GPC5: variants seen among roughly 807,000 people sequenced by gnomAD.
GPC5 encodes glypican 5.
Under a neutral mutation model 53.9 loss-of-function variants are expected in GPC5, and 47 were observed. The observed-to-expected ratio is 0.87, with a 90% CI of 0.69 to 1.11. The LOEUF (loss-of-function observed/expected upper bound fraction) is 1.11. GPC5 is among the 50% of genes most tolerant of loss of function. The pLI is 0.00. For synonymous variants in GPC5, 286 were observed against 263.3 expected (o/e 1.09, Z -0.84); for missense variants, 748 against 713.1 (o/e 1.05, Z -0.56).
rs372069438 is a variant in GPC5 at position 91,646,832 on chromosome 13, G to A, written c.326-46355G>A. Among the ~76,000 whole-genome samples the A allele has an allele frequency of 1.1e-3, 164 of 152,270 alleles. 4 individuals are homozygous for A. In the South Asian group the frequency reaches 0.033, roughly 30 times the overall value. On this transcript the variant is annotated intron_variant, in intron 2 of 7. Transcript: ENST00000377067. ...AAAGAGGTATAGAATTCATGAGAAT[G>A]TGTGCATGTGTCTGTCACAGAGCAT...
At chr13:92,003,276 G>A (rs1256781051) in intron 6 of GPC5, among the ~76,000 whole-genome samples, 1 of 148,456 alleles carries the variant, frequency 6.7e-6, no homozygotes, top group African/African-American at 2.5e-5. Flanking sequence ...AGCCAAGATG[G>A]CACCACTGCA....
intron 7 of GPC5, among the ~76,000 whole-genome samples, chr13:92,247,245 T>A (rs1343751544): frequency 1.3e-5 from 2 of 152,162 alleles, no homozygotes; most frequent in Admixed American, 6.6e-5. Context: ...TGTATATATG[T>A]ATGTGTATAA....
intron 7 of GPC5, among the ~76,000 whole-genome samples, chr13:92,461,105 A>G (rs1285584362): frequency 1.3e-5 from 2 of 152,184 alleles, no homozygotes; most frequent in Non-Finnish European, 2.9e-5. Context: ...AGGAGAATAA[A>G]AAATAAATCC....
At chr13:92,259,159 G>C (rs1012409298) in intron 7 of GPC5, among the ~76,000 whole-genome samples, 2 of 152,200 alleles carry the variant, frequency 1.3e-5, no homozygotes, top group East Asian at 3.9e-4. Context: ...TTGTTTCCAT[G>C]CTCCCTTTTC....
chr13:92,215,737 A>G (rs1209150780), intron 7 of GPC5, among the ~76,000 whole-genome samples: 5 of 152,238 alleles, frequency 3.3e-5, no homozygotes, highest in Non-Finnish European at 7.3e-5. Flanking sequence ...TGTGCTCTCT[A>G]GAAATCCATT....
chr13:91,728,655 A>C lies in GPC5; in HGVS notation c.1144A>C (p.Asn382His). 1.9e-6 allele frequency: 3 copies of C among 1,610,282 alleles called. No individual in the cohort carries two copies. The highest frequency in any genetic ancestry group is 2.5e-6 in the Non-Finnish European group (3 of 1,178,146). The change falls in exon 4 of 8, where the codon AAC becomes CAC. Residue 382 changes from asparagine to histidine, a missense_variant. By Grantham distance (68) the Asn-to-His change is moderately conservative. Coordinates refer to ENST00000377067, the MANE Select transcript of GPC5 (RefSeq NM_004466.6). ...TTRNSEETLA[N>H]RRKEFINSLR... ...AAGGAACAGTGAAGAGACGCTTGCC[A>C]ACAGAAGAAAGTAAGACATTTGTTT...
intron 7 of GPC5, among the ~76,000 whole-genome samples, chr13:92,398,147 T>TA (rs796244896): frequency 6.6e-6 from 1 of 152,104 alleles, no homozygotes; most frequent in South Asian, 2.1e-4. Flanking sequence ...TAATTTATTT[T>TA]AAAAAATTAT....
chr13:91,589,442 G>T (rs1402353395), intron 2 of GPC5, among the ~76,000 whole-genome samples: 2 of 152,020 alleles, frequency 1.3e-5, no homozygotes, highest in East Asian at 3.9e-4. Flanking sequence ...ATCTCAAAGT[G>T]AGCCTGTCCA....
chr13:91,972,194 T>C (rs1174662092), intron 6 of GPC5, among the ~76,000 whole-genome samples: 1 of 152,234 alleles, frequency 6.6e-6, no homozygotes, highest in Non-Finnish European at 1.5e-5. Context: ...CTCTTCTTGT[T>C]GAACTGATCC....
intron 6 of GPC5, among the ~76,000 whole-genome samples, chr13:92,003,553 TATAGG>T (rs1168447033): frequency 6.6e-6 from 1 of 152,130 alleles, no homozygotes; most frequent in Non-Finnish European, 1.5e-5. Context: ...TTTAACAGAT[TATAGG>T]ATGTCAGTAT....
intron 7 of GPC5, among the ~76,000 whole-genome samples, chr13:92,229,373 T>C (rs1398714706): frequency 6.6e-6 from 1 of 152,164 alleles, no homozygotes; most frequent in Non-Finnish European, 1.5e-5. Context: ...GATATATTTT[T>C]AACTGGGTTA....
chr13:92,405,546 T>C (rs1023013), intron 7 of GPC5, among the ~76,000 whole-genome samples: 99,923 of 152,120 alleles, frequency 0.66, 33,625 homozygotes, highest in African/African-American at 0.8. Context: ...TTCCTTAACA[T>C]GAACATTGAG....
intron 6 of GPC5, among the ~76,000 whole-genome samples, chr13:92,095,341 A>C: frequency 6.6e-6 from 1 of 151,800 alleles, no homozygotes; most frequent in East Asian, 1.9e-4. Context: ...AGTTTTCCTA[A>C]ATATTTAATT....
intron 1 of GPC5, among the ~76,000 whole-genome samples, chr13:91,441,951 C>G (rs1880467543): frequency 6.6e-6 from 1 of 152,110 alleles, no homozygotes; most frequent in African/African-American, 2.4e-5. Flanking sequence ...ACCAAAGACT[C>G]TTCTCTATGT....
intron 7 of GPC5, among the ~76,000 whole-genome samples, chr13:92,715,195 A>C (rs1888287997): frequency 6.6e-6 from 1 of 152,200 alleles, no homozygotes; most frequent in Non-Finnish European, 1.5e-5. Context: ...AGTTGAATAG[A>C]GTGATCAGCA....
chr13:92,574,098 A>T (rs2139044464), intron 7 of GPC5, among the ~76,000 whole-genome samples: 1 of 152,286 alleles, frequency 6.6e-6, no homozygotes, highest in Admixed American at 6.5e-5. Flanking sequence ...TGCACCTTGT[A>T]GTTATGTTAC....
intron 2 of GPC5, among the ~76,000 whole-genome samples, chr13:91,536,198 AC>A (rs1886585107): frequency 6.6e-6 from 1 of 152,206 alleles, no homozygotes; most frequent in Non-Finnish European, 1.5e-5. Flanking sequence ...CTCTATAAAA[AC>A]AATACAAAAT....
chr13:92,440,877 T>C (rs1301935151), intron 7 of GPC5, among the ~76,000 whole-genome samples: 2 of 152,188 alleles, frequency 1.3e-5, no homozygotes, highest in South Asian at 2.1e-4. Context: ...TGGCCACTTG[T>C]ATATCTTCTT....
chr13:92,521,468 T>A (rs989128785), intron 7 of GPC5, among the ~76,000 whole-genome samples: 1 of 152,066 alleles, frequency 6.6e-6, no homozygotes, highest in Admixed American at 6.5e-5. Context: ...TCAGAGATAA[T>A]ACCACACATC....
Sources: allele counts gnomAD v4.1 joint callset (sites outside exome capture counted in the v4.1 genomes callset), GRCh38; gene constraint gnomAD v4.1.1; transcripts MANE v1.5; gene names NCBI Gene and HGNC (gene_info 2026-07-23, HGNC 2026-07-21).